The following DNAH11 variants were observed in gnomAD, a reference collection of about 807,000 sequenced individuals.
DNAH11 encodes the protein dynein axonemal heavy chain 11.
In DNAH11, 442 loss-of-function variants were observed where a neutral mutation model predicts 526.0. The ratio of observed to expected loss-of-function variants is 0.84; its 90% confidence interval spans 0.78 to 0.91. DNAH11 has a LOEUF of 0.91. DNAH11 is among the 40% of genes least tolerant of loss of function. The pLI, the probability that DNAH11 is intolerant of heterozygous loss-of-function variation, is 0.00. For missense variants in DNAH11, 6,989 were observed against 5,448.7 expected (o/e 1.28, Z -8.90); for synonymous variants, 2,461 against 1,935.9 (o/e 1.27, Z -7.12).
intron 42 of DNAH11, among the ~76,000 whole-genome samples, chr7:21,716,783 C>T (rs952776439): frequency 6.6e-6 from 1 of 152,206 alleles, no homozygotes. Flanking sequence ...CTGCTGAAAA[C>T]CATTTCTCTT....
intron 18 of DNAH11, among the ~76,000 whole-genome samples, chr7:21,605,810 A>G (rs1785259037): frequency 1.3e-5 from 2 of 152,190 alleles, no homozygotes; most frequent in African/African-American, 2.4e-5. Context: ...TTATTCCCAC[A>G]GCAGCAAAAC....
intron 62 of DNAH11, among the ~76,000 whole-genome samples, chr7:21,803,358 G>A (rs1288921221): frequency 6.6e-6 from 1 of 152,256 alleles, no homozygotes; most frequent in Middle Eastern, 3.4e-3. Flanking sequence ...GTTGCCCTCT[G>A]CCTCTCCACG....
In DNAH11 at chr7:21,599,881, A is replaced by G; in HGVS notation, c.2762A>G (p.Gln921Arg). Residue 921 changes from glutamine (Q) to arginine (R), a missense_variant, in exon 15 of 82, where the codon CAG becomes CGG. Coordinates refer to ENST00000409508, the MANE Select transcript of DNAH11 (RefSeq NM_001277115.2). ...GACATTGTGGTGGAAGGCTTTTTTC[A>G]GGCTATAATGCACGACTTAGACTTC... ...IDDIVVEGFF[Q>R]AIMHDLDFFL... 2 of 1,610,884 alleles carry G rather than the reference A, an allele frequency of 1.2e-6. No individual in the cohort carries two copies. The highest frequency in any genetic ancestry group is 1.7e-6 in the Non-Finnish European group (2 of 1,178,080).
intron 81 of DNAH11, 146 bp from the exon 82 acceptor site, chr7:21,900,861 C>G (rs1379990829): frequency 1.5e-6 from 2 of 1,347,974 alleles, no homozygotes; most frequent in Non-Finnish European, 2.0e-6. Context: ...AAAGCTCAGT[C>G]CGGCCAGCTC....
intron 29 of DNAH11, among the ~76,000 whole-genome samples, chr7:21,657,665 T>G (rs1056231455): frequency 6.6e-6 from 1 of 152,178 alleles, no homozygotes; most frequent in Non-Finnish European, 1.5e-5. Flanking sequence ...AAAGTTACCC[T>G]TAGTTATTAA....
chr7:21,739,812 A>G, intron 48 of DNAH11, 139 bp downstream of exon 48: 2 of 618,620 alleles, frequency 3.2e-6, no homozygotes, highest in Non-Finnish European at 5.5e-6. Context: ...CACTAACAAC[A>G]GACAGGGGTT....
intron 65 of DNAH11, among the ~76,000 whole-genome samples, chr7:21,841,607 T>G (rs574313752): frequency 4.0e-5 from 6 of 149,008 alleles, no homozygotes; most frequent in African/African-American, 1.6e-4. Context: ...TGAGTGAGTG[T>G]GGGGGTGTGT....
Position 21,901,011 on chromosome 7 carries a change from C to T in DNAH11, c.13308C>T (p.Ala4436=). ...ACCGCTGTGTTTTTGCCATAGGCGC[C>T]CGCTGGGACACCCAAGCAGGAACCA... The part of the protein sequence containing the change: ...AYLHGLFMEG[A]RWDTQAGTIV... The change falls in exon 82 of 82, where the codon GCC becomes GCT. Residue 4436 remains alanine, a synonymous_variant. Transcript: ENST00000409508. 6.3e-7 allele frequency: 1 copy of T among 1,589,978 alleles called. No individual in the cohort carries two copies. The highest frequency in any genetic ancestry group is 8.6e-7 in the Non-Finnish European group (1 of 1,167,988).
At chr7:21,560,808 C>T (rs1010796060) in intron 4 of DNAH11, among the ~76,000 whole-genome samples, 1 of 152,030 alleles carries the variant, frequency 6.6e-6, no homozygotes, top group Non-Finnish European at 1.5e-5. Context: ...TCCTTCAATC[C>T]AATCAAGTTG....
intron 61 of DNAH11, among the ~76,000 whole-genome samples, chr7:21,791,565 T>C (rs1193432080): frequency 6.6e-6 from 1 of 152,206 alleles, no homozygotes; most frequent in Non-Finnish European, 1.5e-5. Context: ...TCTTGGTGCC[T>C]GTATGTGGTT....
At chr7:21,592,556 A>G (rs867915393) in intron 14 of DNAH11, among the ~76,000 whole-genome samples, 20 of 152,338 alleles carry the variant, frequency 1.3e-4, no homozygotes, top group African/African-American at 4.6e-4. Flanking sequence ...GTAAGGGGAA[A>G]GAGCAGCCAG....
chr7:21,860,303 CAA>C (rs1385413678), intron 68 of DNAH11, among the ~76,000 whole-genome samples: 1 of 149,950 alleles, frequency 6.7e-6, no homozygotes, highest in African/African-American at 2.4e-5. Flanking sequence ...AAAAAGATAA[CAA>C]GTGTTGGTAA....
intron 46 of DNAH11, among the ~76,000 whole-genome samples, chr7:21,738,204 G>A (rs1003011043): frequency 3.3e-5 from 5 of 152,172 alleles, no homozygotes; most frequent in African/African-American, 9.6e-5. Flanking sequence ...TTCACGGATA[G>A]TGACTACCTT....
chr7:21,819,576 C>G (rs759238052), intron 65 of DNAH11, among the ~76,000 whole-genome samples: 38 of 152,168 alleles, frequency 2.5e-4, no homozygotes, highest in Non-Finnish European at 4.4e-4. Flanking sequence ...GGTTCTGACT[C>G]TATTATGAAG....
intron 73 of DNAH11, among the ~76,000 whole-genome samples, chr7:21,872,146 AAAACCTTCAT>A (rs1583796717): frequency 6.8e-6 from 1 of 147,894 alleles, no homozygotes; most frequent in East Asian, 2.0e-4. Flanking sequence ...AAAAAAAAAA[AAAACCTTCAT>A]AATGACCACA....
chr7:21,769,585 A>C (rs765477033), intron 55 of DNAH11, among the ~76,000 whole-genome samples: 1 of 152,050 alleles, frequency 6.6e-6, no homozygotes, highest in Non-Finnish European at 1.5e-5. Flanking sequence ...CTCGGGTTCA[A>C]GTGATTCTCC....
intron 49 of DNAH11, 116 bp from the exon 50 acceptor site, chr7:21,744,319 TTGA>T: frequency 9.1e-7 from 1 of 1,093,940 alleles, no homozygotes. Flanking sequence ...CACATTACTA[TTGA>T]TGATATTTCT....
chr7:21,887,108 T>TG (rs1784152344), intron 76 of DNAH11, among the ~76,000 whole-genome samples: 1 of 152,248 alleles, frequency 6.6e-6, no homozygotes, highest in South Asian at 2.1e-4. Flanking sequence ...TGGAAATTAG[T>TG]GTCTTTGGTT....
At chr7:21,774,284 G>C (rs1562538006) in intron 56 of DNAH11, among the ~76,000 whole-genome samples, 1 of 152,112 alleles carries the variant, frequency 6.6e-6, no homozygotes, top group Non-Finnish European at 1.5e-5. Context: ...TCTTGTCTCT[G>C]ACTTCTTCAG....
Sources: gnomAD v4.1 joint callset for allele counts (sites outside exome capture counted in the v4.1 genomes callset) on GRCh38, gnomAD v4.1.1 for gene constraint, MANE v1.5 for transcripts, NCBI Gene and HGNC (gene_info 2026-07-23, HGNC 2026-07-21) for gene names.